The following RNF170 variants were observed in gnomAD, a reference collection of about 807,000 sequenced individuals.
RNF170 encodes E3 ubiquitin-protein ligase RNF170.
Under a neutral mutation model 32.7 loss-of-function variants are expected in RNF170, and 12 were observed. The observed-to-expected ratio is 0.37, with a 90% CI of 0.24 to 0.60. The LOEUF (loss-of-function observed/expected upper bound fraction) is 0.60, where lower values mean the gene tolerates loss of function less well. Ranked by LOEUF, RNF170 falls within the 20% of genes least tolerant of loss-of-function variation. RNF170 has a pLI of 0.72. For synonymous variants in RNF170, 91 were observed against 103.6 expected (o/e 0.88, Z 0.74); for missense variants, 212 against 311.2 (o/e 0.68, Z 2.40).
chr8:42,896,201 G>T lies in RNF170; in HGVS notation c.-8+283C>A, dbSNP rs532806552. 511 of 289,558 alleles carry T rather than the reference G, an allele frequency of 1.8e-3. 4 individuals carry two copies. The highest frequency in any genetic ancestry group is 5.2e-3 in the South Asian group (194 of 36,992). 17.9% of individuals were successfully genotyped at this position (289,558 alleles called of 1,614,324 possible). A position where few individuals can be genotyped will look rare whatever the true frequency, so the allele number is the denominator to read the frequency against. The stretch of plus-strand genomic sequence containing the variant: ...CATTAAGGAGAGTTCTCAGGGTCAC[G>T]CTCCGAGCGACCCTAGAGGGAGCGG... On this transcript the variant is annotated intron_variant, in intron 1 of 6. Transcript: ENST00000527424.
At position 42,873,926 on chromosome 8, in the gene RNF170, A is replaced by G. The variant is rs570886340; in HGVS notation, c.213+5T>C. 1.6e-5 allele frequency: 25 copies of G among 1,517,530 alleles called. No homozygotes were observed. In the African/African-American group the frequency reaches 2.6e-4, roughly 16 times the overall value. The allele number at this position is 1,517,530 out of a possible 1,614,324, so 94.0% of individuals were successfully genotyped here. On this transcript the variant is annotated splice_donor_5th_base_variant and intron_variant, in intron 3 of 6. Coordinates refer to ENST00000527424, the MANE Select transcript of RNF170 (RefSeq NM_030954.4). ...CTACTCCTCAAATAAATACATATAC[A>G]ATACCTGTTCTGTTTGAAGCTGTTC... is the stretch of plus-strand genomic sequence containing the variant.
intron 3 of RNF170, among the ~76,000 whole-genome samples, chr8:42,873,286 T>A (rs1051776290): frequency 5.9e-5 from 9 of 151,526 alleles, no homozygotes; most frequent in African/African-American, 1.5e-4. Context: ...ACCCTGTCTC[T>A]TTTTTACAAA....
chr8:42,868,380 C>G (rs1304825763), intron 4 of RNF170, among the ~76,000 whole-genome samples: 1 of 152,116 alleles, frequency 6.6e-6, no homozygotes, highest in Non-Finnish European at 1.5e-5. Flanking sequence ...TGAAAATTTC[C>G]TACATTTTGG....
chr8:42,897,237 T>C, upstream of RNF170: 1 of 1,184,212 alleles, frequency 8.4e-7, no homozygotes, highest in Non-Finnish European at 1.1e-6. Context: ...CCCCGCCACC[T>C]ACCGGGACCC....
intron 2 of RNF170, among the ~76,000 whole-genome samples, chr8:42,879,488 TA>T: frequency 6.6e-6 from 1 of 151,946 alleles, no homozygotes. Context: ...CTGTCTCTAC[TA>T]AAAATACAAA....
intron 1 of RNF170, among the ~76,000 whole-genome samples, chr8:42,892,210 G>T (rs763982207): frequency 1.3e-5 from 2 of 152,144 alleles, no homozygotes; most frequent in African/African-American, 2.4e-5. Flanking sequence ...TTGAGACAGG[G>T]TCTTGTTCTG....
downstream of RNF170, among the ~76,000 whole-genome samples, chr8:42,851,830 A>G (rs145369362): frequency 5.2e-4 from 79 of 152,218 alleles, no homozygotes; most frequent in African/African-American, 1.9e-3. Context: ...CGGGGGTCTC[A>G]CTATGTTGCT....
At chr8:42,888,689 C>T (rs1328628149) in intron 1 of RNF170, among the ~76,000 whole-genome samples, 3 of 152,086 alleles carry the variant, frequency 2.0e-5, no homozygotes, top group Admixed American at 2.0e-4. Flanking sequence ...ACCTGGGAGG[C>T]AGAGGTTGTA....
chr8:42,850,470 C>T (rs576334107), downstream of RNF170: 22 of 364,354 alleles, frequency 6.0e-5, no homozygotes, highest in African/African-American at 3.1e-4. Flanking sequence ...AAGAAGTGAT[C>T]TTTCCTTGTC....
chr8:42,894,558 CA>C (rs1563280064), intron 1 of RNF170, among the ~76,000 whole-genome samples: 5 of 152,242 alleles, frequency 3.3e-5, no homozygotes, highest in African/African-American at 1.2e-4. Flanking sequence ...AGGCGAGACA[CA>C]CATGTGTAAT....
At chr8:42,857,034 A>G (rs1396728539) in intron 6 of RNF170, among the ~76,000 whole-genome samples, 2 of 152,246 alleles carry the variant, frequency 1.3e-5, no homozygotes, top group African/African-American at 2.4e-5. Context: ...CATTAAAGAC[A>G]TAGGAACTTT....
intron 2 of RNF170, among the ~76,000 whole-genome samples, chr8:42,877,347 T>C (rs1021772630): frequency 6.6e-6 from 1 of 152,154 alleles, no homozygotes; most frequent in Non-Finnish European, 1.5e-5. Flanking sequence ...TTTATATTTT[T>C]AGTAGAGTTG....
At chr8:42,865,696 A>G (rs1359120401) in intron 4 of RNF170, among the ~76,000 whole-genome samples, 1 of 152,182 alleles carries the variant, frequency 6.6e-6, no homozygotes, top group Non-Finnish European at 1.5e-5. Flanking sequence ...TTAAATTCCA[A>G]GTTAAGGCCG....
intron 2 of RNF170, among the ~76,000 whole-genome samples, chr8:42,885,128 T>C (rs1173048613): frequency 6.6e-6 from 1 of 151,952 alleles, no homozygotes; most frequent in Non-Finnish European, 1.5e-5. Flanking sequence ...TACAGTTAAG[T>C]GGGATCGTGC....
chr8:42,858,203 A>T (rs1267864934), intron 6 of RNF170, among the ~76,000 whole-genome samples: 9 of 152,106 alleles, frequency 5.9e-5, no homozygotes, highest in Non-Finnish European at 1.0e-4. Flanking sequence ...GCTCCCAAAT[A>T]ATTATGGAGG....
intron 1 of RNF170, among the ~76,000 whole-genome samples, chr8:42,890,595 A>G (rs941816221): frequency 6.6e-6 from 1 of 152,038 alleles, no homozygotes; most frequent in Non-Finnish European, 1.5e-5. Context: ...TACTCTTAAG[A>G]TATTGCTTCA....
intron 2 of RNF170, among the ~76,000 whole-genome samples, chr8:42,878,279 T>C (rs564010529): frequency 6.6e-6 from 1 of 152,306 alleles, no homozygotes; most frequent in African/African-American, 2.4e-5. Context: ...GATTAAGCTT[T>C]GTGAAAAAGA....
At chr8:42,863,978 A>T (rs199882556) in intron 5 of RNF170, among the ~76,000 whole-genome samples, 30 of 70,146 alleles carry the variant, frequency 4.3e-4, no homozygotes, top group East Asian at 1.3e-3. Flanking sequence ...AGAGAGAGAG[A>T]GAGTGTGTGT....
intron 6 of RNF170, 24 bp downstream of exon 6, chr8:42,861,721 T>C (rs373270542): frequency 1.1e-5 from 17 of 1,527,448 alleles, no homozygotes; most frequent in Non-Finnish European, 1.5e-5. Context: ...CCTCTAACTT[T>C]GAACATGCTT....
Sources: allele counts gnomAD v4.1 joint callset (sites outside exome capture counted in the v4.1 genomes callset), GRCh38; gene constraint gnomAD v4.1.1; transcripts MANE v1.5; gene names NCBI Gene and HGNC (gene_info 2026-07-23, HGNC 2026-07-21).